ZNF618: variants seen among roughly 807,000 people sequenced by gnomAD.
The protein encoded by ZNF618 is zinc finger protein 618.
In ZNF618, 34 loss-of-function variants were observed where a neutral mutation model predicts 103.0. That is an observed-to-expected ratio of 0.33 (90% confidence interval 0.25 to 0.44). The LOEUF (loss-of-function observed/expected upper bound fraction) is 0.44. ZNF618 is among the 20% of genes least tolerant of loss of function. The probability of loss-of-function intolerance (pLI) is 1.00; values close to 1 mark genes in which losing one functional copy is unlikely to be tolerated. For synonymous variants in ZNF618, 551 were observed against 542.2 expected, an observed-to-expected ratio of 1.02 and a Z score of -0.23; for missense variants, 1,059 against 1,295.4, an observed-to-expected ratio of 0.82 and a Z score of 2.80.
intron 1 of ZNF618, among the ~76,000 whole-genome samples, chr9:113,919,072 C>T (rs997343503): frequency 2.0e-5 from 3 of 152,140 alleles, no homozygotes; most frequent in Non-Finnish European, 4.4e-5. Flanking sequence ...ACGTTTTGTC[C>T]CTTTCAGCTT....
chr9:113,935,074 A>G (rs1369343402), intron 1 of ZNF618, among the ~76,000 whole-genome samples: 1 of 152,222 alleles, frequency 6.6e-6, no homozygotes, highest in Non-Finnish European at 1.5e-5. Context: ...AAGGCTGGTC[A>G]GGGGTGAGAG....
rs1299743152 is a variant in ZNF618, at chr9:114,048,648, C to A, written c.1349-3C>A. Reference sequence around the variant, plus strand: ...TCCCATCTGTCTTTGTGTCCTCTGCCAGCCACTACCAGTGGTTTAACACCC... The same window carrying A: ...TCCCATCTGTCTTTGTGTCCTCTGCAAGCCACTACCAGTGGTTTAACACCC... On this transcript the variant is annotated splice_polypyrimidine_tract_variant and splice_region_variant and intron_variant, in intron 14 of 14. Coordinates refer to ENST00000374126, the MANE Select transcript of ZNF618 (RefSeq NM_001318042.2). The A allele has an allele frequency of 6.2e-7, 1 of 1,605,288 alleles. No homozygotes were observed.
At chr9:113,983,429 T>C (rs1269559723) in intron 2 of ZNF618, among the ~76,000 whole-genome samples, 1 of 152,168 alleles carries the variant, frequency 6.6e-6, no homozygotes, top group East Asian at 1.9e-4. Flanking sequence ...CATGCCTTTG[T>C]CGCGGCAAGG....
intron 2 of ZNF618, among the ~76,000 whole-genome samples, chr9:113,979,571 A>T (rs1480556745): frequency 1.3e-5 from 2 of 152,256 alleles, no homozygotes; most frequent in African/African-American, 2.4e-5. Flanking sequence ...CAGGAAAACC[A>T]TCGACAGTTA....
chr9:113,878,539 T>C (rs1828172935), intron 1 of ZNF618, among the ~76,000 whole-genome samples: 1 of 152,204 alleles, frequency 6.6e-6, no homozygotes, highest in African/African-American at 2.4e-5. Context: ...AATTGAAATT[T>C]GACAGATGAG....
At chr9:114,031,117 A>G (rs1843988892) in intron 11 of ZNF618, among the ~76,000 whole-genome samples, 1 of 152,154 alleles carries the variant, frequency 6.6e-6, no homozygotes, top group Admixed American at 6.5e-5. Context: ...CACCTGTGAA[A>G]TGGGAATGAC....
intron 6 of ZNF618, 64 bp downstream of exon 6, chr9:114,002,726 G>A: frequency 6.4e-7 from 1 of 1,571,548 alleles, no homozygotes; most frequent in Non-Finnish European, 8.7e-7. Flanking sequence ...ATGAAGAGGA[G>A]CTGCTTGTCC....
At chr9:113,984,814 G>T (rs543207367) in intron 2 of ZNF618, among the ~76,000 whole-genome samples, 1 of 152,150 alleles carries the variant, frequency 6.6e-6, no homozygotes, top group Admixed American at 6.5e-5. Flanking sequence ...TTTACCCCCC[G>T]GCTTGAATGT....
intron 1 of ZNF618, among the ~76,000 whole-genome samples, chr9:113,934,137 G>A (rs1833841790): frequency 2.0e-5 from 3 of 152,172 alleles, no homozygotes; most frequent in Admixed American, 6.5e-5. Flanking sequence ...AGTAATGGCG[G>A]CAGGAAAGTC....
chr9:113,938,718 A>G (rs1011914194), intron 1 of ZNF618, among the ~76,000 whole-genome samples: 4 of 151,734 alleles, frequency 2.6e-5, no homozygotes, highest in African/African-American at 9.7e-5. Context: ...ACAGGCATGT[A>G]CCACCATGCC....
intron 2 of ZNF618, among the ~76,000 whole-genome samples, chr9:113,970,553 A>C (rs996621988): frequency 6.6e-6 from 1 of 152,094 alleles, no homozygotes; most frequent in African/African-American, 2.4e-5. Context: ...ATTTGCCCAT[A>C]AATGGCCATA....
At chr9:114,002,553 T>G (rs1841338079) in intron 5 of ZNF618, 71 bp from the exon 6 acceptor site, 1 of 765,430 alleles carries the variant, frequency 1.3e-6, no homozygotes, top group East Asian at 2.3e-5. Flanking sequence ...CATGTTCTCT[T>G]TTGCACTTGG....
At chr9:113,951,475 G>GTATACATATATATGTGTATATA (rs1564207316) in intron 1 of ZNF618, among the ~76,000 whole-genome samples, 4 of 27,386 alleles carry the variant, frequency 1.5e-4, no homozygotes, top group African/African-American at 4.6e-4. Context: ...ATGTGTGTAT[G>GTATACATATATATGTGTATATA]TGTACACATA....
chr9:113,915,268 G>A (rs772479369), intron 1 of ZNF618, among the ~76,000 whole-genome samples: 8 of 152,152 alleles, frequency 5.3e-5, no homozygotes, highest in South Asian at 4.1e-4. Flanking sequence ...CCTGCCTGTC[G>A]TATGGTGGAC....
At chr9:113,883,301 A>G (rs1828708201) in intron 1 of ZNF618, among the ~76,000 whole-genome samples, 1 of 152,098 alleles carries the variant, frequency 6.6e-6, no homozygotes, top group Non-Finnish European at 1.5e-5. Flanking sequence ...GTCTTGGGGG[A>G]TTTTTAAAAT....
intron 3 of ZNF618, among the ~76,000 whole-genome samples, chr9:113,993,751 C>T (rs1840295104): frequency 6.6e-6 from 1 of 152,138 alleles, no homozygotes; most frequent in African/African-American, 2.4e-5. Context: ...CAGGGACCAA[C>T]TGGGTTATTC....
At chr9:114,032,578 C>T in intron 11 of ZNF618, 67 bp from the exon 12 acceptor site, 1 of 1,476,092 alleles carries the variant, frequency 6.8e-7, no homozygotes, top group Non-Finnish European at 9.5e-7. Context: ...CCCAGCCTAC[C>T]CCTCCCTTGA....
At chr9:113,980,140 A>C (rs1336825160) in intron 2 of ZNF618, among the ~76,000 whole-genome samples, 2 of 152,206 alleles carry the variant, frequency 1.3e-5, no homozygotes, top group South Asian at 4.1e-4. Flanking sequence ...TCTGGGCAGC[A>C]GGAGCTGGAA....
At chr9:113,925,756 A>G (rs1235397515) in intron 1 of ZNF618, among the ~76,000 whole-genome samples, 2 of 152,084 alleles carry the variant, frequency 1.3e-5, no homozygotes, top group Admixed American at 6.5e-5. Context: ...TTGACGCTTC[A>G]TGGTTAGTGC....
Sources: gnomAD v4.1 joint callset for allele counts (sites outside exome capture counted in the v4.1 genomes callset) on GRCh38, gnomAD v4.1.1 for gene constraint, MANE v1.5 for transcripts, NCBI Gene and HGNC (gene_info 2026-07-23, HGNC 2026-07-21) for gene names.